The following LMO4 variants were observed in gnomAD, a reference collection of about 807,000 sequenced individuals.
LMO4 encodes the protein LIM domain only 4, also known as LIM domain transcription factor LMO4.
Under a neutral mutation model 18.5 loss-of-function variants are expected in LMO4, and 3 were observed. The ratio of observed to expected loss-of-function variants is 0.16; its 90% CI spans 0.07 to 0.42. The LOEUF (loss-of-function observed/expected upper bound fraction) is 0.42. Ranked by LOEUF, LMO4 falls within the 10% of genes least tolerant of loss-of-function variation. The pLI, the probability that LMO4 is intolerant of heterozygous loss-of-function variation, is 0.99. For synonymous variants in LMO4, 100 were observed against 88.1 expected (o/e 1.14, Z -0.76); for missense variants, 121 against 219.9 (o/e 0.55, Z 2.84).
chr1:87,331,455 T>C (rs1650143675), intron 1 of LMO4: 1 of 152,742 alleles, frequency 6.5e-6, no homozygotes, highest in African/African-American at 2.4e-5. Context: ...AACCGAACTA[T>C]TTCCAACTTG....
At chr1:87,336,032 T>C (rs1009625994) in intron 2 of LMO4, among the ~76,000 whole-genome samples, 1 of 110,318 alleles carries the variant, frequency 9.1e-6, no homozygotes, top group Non-Finnish European at 1.7e-5. Flanking sequence ...GGCTGATTTT[T>C]TTTTTCCTAT....
chr1:87,336,228 A>G (rs900371919), intron 2 of LMO4, among the ~76,000 whole-genome samples: 16 of 152,128 alleles, frequency 1.1e-4, no homozygotes, highest in African/African-American at 2.7e-4. Flanking sequence ...TGGAAAACCA[A>G]TTGCTTCTGG....
intron 2 of LMO4, among the ~76,000 whole-genome samples, chr1:87,335,046 G>C (rs1463109799): frequency 6.7e-6 from 1 of 149,008 alleles, no homozygotes; most frequent in Non-Finnish European, 1.5e-5. Flanking sequence ...AAGGGGGGGG[G>C]GTTGTAGAGC....
chr1:87,330,621 T>G (rs1650110509), intron 1 of LMO4, among the ~76,000 whole-genome samples: 1 of 152,282 alleles, frequency 6.6e-6, no homozygotes, highest in South Asian at 2.1e-4. Flanking sequence ...ACCCGAGTCC[T>G]TGTTTCGTTC....
At chr1:87,332,731 CTT>C (rs951910984) in intron 2 of LMO4, among the ~76,000 whole-genome samples, 3 of 152,174 alleles carry the variant, frequency 2.0e-5, no homozygotes, top group African/African-American at 7.2e-5. Context: ...CATCTTGAAA[CTT>C]TTTTGAGCGG....
chr1:87,329,396 A>T (rs1297635045), intron 1 of LMO4, among the ~76,000 whole-genome samples, 152 bp downstream of exon 1: 3 of 152,084 alleles, frequency 2.0e-5, no homozygotes, highest in South Asian at 4.1e-4. Context: ...CGCGAGTCTG[A>T]AACTACCGAG....
intron 4 of LMO4, among the ~76,000 whole-genome samples, chr1:87,344,458 C>T (rs561551175): frequency 6.6e-6 from 1 of 152,190 alleles, no homozygotes; most frequent in Non-Finnish European, 1.5e-5. Context: ...AATTCAAGAT[C>T]CCACTGCTGG....
At chr1:87,337,292 A>G (rs79431368) in intron 2 of LMO4, among the ~76,000 whole-genome samples, 6,796 of 152,308 alleles carry the variant, frequency 0.045, 183 homozygotes, top group Admixed American at 0.084. Context: ...AATAAGATCT[A>G]TGAAAGGCTT....
chr1:87,348,320 C>T lies in LMO4; in HGVS notation c.*3524C>T, dbSNP rs1022851997. 5 of 219,596 alleles carry T rather than the reference C, an allele frequency of 2.3e-5. No individual in the cohort carries two copies. The highest frequency in any genetic ancestry group is 1.5e-4 in the Admixed American group (3 of 20,042). 13.6% of individuals were successfully genotyped at this position (219,596 alleles called of 1,614,324 possible). ...CTGGGTGCTGTCCCACCTATGACCC[C>T]TTCAAGAGGCCATTGGAAAAAGGCC... On this transcript the variant is annotated 3_prime_UTR_variant, in exon 5 of 5. Coordinates refer to ENST00000370544, the MANE Select transcript of LMO4 (RefSeq NM_006769.4).
chr1:87,335,558 C>T (rs1650284132), intron 2 of LMO4, among the ~76,000 whole-genome samples: 1 of 152,000 alleles, frequency 6.6e-6, no homozygotes, highest in Non-Finnish European at 1.5e-5. Context: ...CGCAGTGAGC[C>T]CGGCGCGGCC....
Position 87,348,845 on chromosome 1 carries a change from C to T in LMO4, c.*4049C>T. The T allele has an allele frequency of 2.1e-6, 1 of 472,236 alleles. No individual in the cohort carries two copies. Among genetic ancestry groups the T allele is most frequent in the Non-Finnish European group, 4.3e-6 (1 of 235,042 alleles). The allele number at this position is 472,236 out of a possible 1,614,324, so 29.3% of individuals were successfully genotyped here. On this transcript the variant is annotated 3_prime_UTR_variant, in exon 5 of 5. Transcript: ENST00000370544. ...CCTCAAGCCAATAATGTACTACAGG[C>T]CCTGACATGTTACAGCTGTGTAAAC...
chr1:87,341,646 G>C (rs1445038694), intron 4 of LMO4, among the ~76,000 whole-genome samples: 1 of 152,070 alleles, frequency 6.6e-6, no homozygotes, highest in Non-Finnish European at 1.5e-5. Context: ...CTTTTCCCTT[G>C]CTCAAGTTTA....
chr1:87,341,105 T>G (rs145375969), intron 4 of LMO4, among the ~76,000 whole-genome samples: 81 of 152,294 alleles, frequency 5.3e-4, no homozygotes, highest in African/African-American at 1.8e-3. Context: ...TAAGAGACTG[T>G]TCATTCCACA....
At chr1:87,335,006 T>C (rs1650261056) in intron 2 of LMO4, among the ~76,000 whole-genome samples, 2 of 130,254 alleles carry the variant, frequency 1.5e-5, no homozygotes, top group East Asian at 2.5e-4. Flanking sequence ...ATTAACAAAA[T>C]TGGCCTCTAA....
chr1:87,339,126 C>A (rs1570653441), intron 2 of LMO4, among the ~76,000 whole-genome samples: 1 of 152,262 alleles, frequency 6.6e-6, no homozygotes, highest in Middle Eastern at 3.4e-3. Flanking sequence ...TCCTCTTAAC[C>A]CTTTTGATGA....
chr1:87,331,603 G>A lies in LMO4; in HGVS notation c.-3-410G>A, dbSNP rs137997987. The A allele has an allele frequency of 6.5e-3, 1,364 of 208,280 alleles. 4 individuals carry two copies. Among genetic ancestry groups the A allele is most frequent in the Admixed American group, 0.013 (232 of 17,216 alleles). The allele number at this position is 208,280 out of a possible 1,614,324, so 12.9% of individuals were successfully genotyped here. Reference sequence around the variant, plus strand: ...AGGGGCCGGGCGCGGCGGTGGGTGGGTTTGACCCTCATTTGCTGGAGGCGG... The same window carrying A: ...AGGGGCCGGGCGCGGCGGTGGGTGGATTTGACCCTCATTTGCTGGAGGCGG... On this transcript the variant is annotated intron_variant, in intron 1 of 4. Transcript: ENST00000370544.
intron 2 of LMO4, among the ~76,000 whole-genome samples, chr1:87,335,806 A>C (rs1347452648): frequency 6.6e-6 from 1 of 151,868 alleles, no homozygotes; most frequent in African/African-American, 2.4e-5. Context: ...TGGTTATTTA[A>C]TATCACTTTG....
At chr1:87,336,639 C>T (rs189373703) in intron 2 of LMO4, among the ~76,000 whole-genome samples, 2 of 152,238 alleles carry the variant, frequency 1.3e-5, no homozygotes, top group Admixed American at 1.3e-4. Context: ...CCATCTTTTC[C>T]GTTTTCCCTG....
intron 2 of LMO4, among the ~76,000 whole-genome samples, chr1:87,335,522 C>T (rs982626994): frequency 6.6e-6 from 1 of 151,954 alleles, no homozygotes; most frequent in Non-Finnish European, 1.5e-5. Context: ...GGGCTCCACT[C>T]GGGCGGTTCA....
Sources: gnomAD v4.1 joint callset for allele counts (sites outside exome capture counted in the v4.1 genomes callset) on GRCh38, gnomAD v4.1.1 for gene constraint, MANE v1.5 for transcripts, NCBI Gene and HGNC (gene_info 2026-07-23, HGNC 2026-07-21) for gene names.